The following LAMA2 variants were observed in gnomAD, a reference collection of about 807,000 sequenced individuals.
LAMA2 encodes laminin subunit alpha 2, also known as laminin subunit alpha-2.
A neutral mutation model predicts 364.8 loss-of-function variants in LAMA2; 269 were observed. The observed-to-expected ratio is 0.74, with a 90% CI of 0.67 to 0.82. The LOEUF is 0.82. Among genes scored for constraint, LAMA2 ranks in the 40% least tolerant of loss-of-function variants. The pLI is 0.00. For missense variants in LAMA2, 3,807 were observed against 3,873.2 expected, an observed-to-expected ratio of 0.98 and a Z score of 0.45; for synonymous variants, 1,379 against 1,370.6, an observed-to-expected ratio of 1.01 and a Z score of -0.14.
intron 62 of LAMA2, among the ~76,000 whole-genome samples, chr6:129,511,366 A>G (rs1255536480): frequency 6.6e-6 from 1 of 151,898 alleles, no homozygotes; most frequent in Non-Finnish European, 1.5e-5. Context: ...AGAGCAATTC[A>G]GCTTCTTCTA....
intron 3 of LAMA2, among the ~76,000 whole-genome samples, chr6:129,080,680 A>G (rs996147053): frequency 2.0e-5 from 3 of 152,218 alleles, no homozygotes; most frequent in Admixed American, 1.3e-4. Context: ...ATGCAAATCA[A>G]AACCACAAAG....
chr6:129,271,576 TCTC>T (rs1340252548), intron 17 of LAMA2, among the ~76,000 whole-genome samples: 1 of 151,208 alleles, frequency 6.6e-6, no homozygotes, highest in Non-Finnish European at 1.5e-5. Flanking sequence ...TTCAAGCCAT[TCTC>T]CTGCCTCAGC....
Position 129,516,420 on chromosome 6 carries a change from C to T in LAMA2, c.*73C>T. The T allele has an allele frequency of 7.0e-7, 1 of 1,421,208 alleles. No homozygotes were observed. The highest frequency in any genetic ancestry group is 9.8e-7 in the Non-Finnish European group (1 of 1,024,576). 88.0% of individuals were successfully genotyped at this position (1,421,208 alleles called of 1,614,324 possible). ...AAGTAAAACAAACAAATATATTTTA[C>T]CTATATATGTTAATTAAACTAATTT... On this transcript the variant is annotated 3_prime_UTR_variant, in exon 65 of 65. Transcript: ENST00000421865.
At chr6:129,446,848 G>C (rs944635977) in intron 45 of LAMA2, among the ~76,000 whole-genome samples, 2 of 151,774 alleles carry the variant, frequency 1.3e-5, no homozygotes, top group Non-Finnish European at 2.9e-5. Flanking sequence ...TAAGTTCAAG[G>C]TGAACATTGA....
chr6:128,922,863 T>C, intron 1 of LAMA2, among the ~76,000 whole-genome samples: 1 of 152,188 alleles, frequency 6.6e-6, no homozygotes. Flanking sequence ...AATTCTTTAA[T>C]CCATCTTGAA....
At chr6:129,473,377 A>C in intron 52 of LAMA2, 25 bp downstream of exon 52, 10 of 1,605,388 alleles carry the variant, frequency 6.2e-6, no homozygotes, top group Non-Finnish European at 8.5e-6. Context: ...ATGTAAAGCT[A>C]AGGATTAAGT....
intron 49 of LAMA2, among the ~76,000 whole-genome samples, chr6:129,461,851 C>T (rs1000618652): frequency 1.4e-4 from 22 of 151,868 alleles, no homozygotes; most frequent in African/African-American, 5.3e-4. Context: ...CAGCCTAGTC[C>T]TAGCCATGAA....
chr6:129,427,970 A>G (rs368596949), intron 41 of LAMA2, 116 bp downstream of exon 41: 11 of 757,412 alleles, frequency 1.5e-5, no homozygotes, highest in Middle Eastern at 5.7e-4. Context: ...TGATGATTCT[A>G]TAATCTATTT....
intron 4 of LAMA2, among the ~76,000 whole-genome samples, chr6:129,127,528 T>A (rs1777186961): frequency 6.6e-6 from 1 of 152,210 alleles, no homozygotes; most frequent in African/African-American, 2.4e-5. Flanking sequence ...ATCTTTTGGG[T>A]AAATACCTGG....
chr6:129,141,784 C>G (rs1358033736), intron 4 of LAMA2, among the ~76,000 whole-genome samples: 2 of 152,016 alleles, frequency 1.3e-5, no homozygotes, highest in East Asian at 3.9e-4. Context: ...ACACACTGTC[C>G]TGTACCCAAG....
At chr6:129,011,409 G>A (rs1784759347) in intron 1 of LAMA2, among the ~76,000 whole-genome samples, 1 of 152,214 alleles carries the variant, frequency 6.6e-6, no homozygotes, top group African/African-American at 2.4e-5. Flanking sequence ...CTTATGTGGA[G>A]AAAAGACTGT....
chr6:129,040,682 A>C (rs534270462), intron 1 of LAMA2, among the ~76,000 whole-genome samples: 2 of 152,304 alleles, frequency 1.3e-5, no homozygotes, highest in Admixed American at 1.3e-4. Context: ...ACAGTTAAAG[A>C]AACTGATTTG....
chr6:129,075,881 G>A (rs905058395), intron 3 of LAMA2, among the ~76,000 whole-genome samples: 3 of 151,928 alleles, frequency 2.0e-5, no homozygotes, highest in African/African-American at 4.8e-5. Context: ...TTAAGCCCAG[G>A]TATTCGAGAC....
intron 51 of LAMA2, among the ~76,000 whole-genome samples, chr6:129,469,607 A>G (rs912769839): frequency 3.3e-5 from 5 of 151,882 alleles, no homozygotes; most frequent in Admixed American, 3.3e-4. Context: ...CCCAGGACAC[A>G]AGAAAGCATA....
intron 11 of LAMA2, 114 bp from the exon 12 acceptor site, chr6:129,192,566 T>G: frequency 2.2e-6 from 2 of 918,014 alleles, no homozygotes; most frequent in South Asian, 1.5e-5. Flanking sequence ...ATGTTTGTGG[T>G]TTGGTTTTTT....
intron 3 of LAMA2, among the ~76,000 whole-genome samples, chr6:129,088,988 G>A (rs1050884454): frequency 9.1e-6 from 1 of 109,806 alleles, no homozygotes; most frequent in African/African-American, 2.5e-5. Context: ...GTTGTAGCTA[G>A]CCGAGATCAC....
At chr6:129,109,619 T>G (rs1776027490) in intron 4 of LAMA2, among the ~76,000 whole-genome samples, 1 of 151,882 alleles carries the variant, frequency 6.6e-6, no homozygotes, top group Non-Finnish European at 1.5e-5. Context: ...GGTTTTTAAA[T>G]GACTTAAAAG....
At chr6:129,480,055 C>A (rs1784273962) in intron 54 of LAMA2, among the ~76,000 whole-genome samples, 1 of 152,136 alleles carries the variant, frequency 6.6e-6, no homozygotes, top group African/African-American at 2.4e-5. Context: ...TTATGATTCC[C>A]TAAAGGCACT....
chr6:128,960,681 C>G (rs887850405), intron 1 of LAMA2, among the ~76,000 whole-genome samples: 1 of 152,104 alleles, frequency 6.6e-6, no homozygotes, highest in African/African-American at 2.4e-5. Flanking sequence ...TCTTTTATTT[C>G]CTTTTCTTTA....
Sources: gnomAD v4.1 joint callset for allele counts (sites outside exome capture counted in the v4.1 genomes callset) on GRCh38, gnomAD v4.1.1 for gene constraint, MANE v1.5 for transcripts, NCBI Gene and HGNC (gene_info 2026-07-23, HGNC 2026-07-21) for gene names.